STK32B: variants seen among roughly 807,000 people sequenced by gnomAD.
The protein encoded by STK32B is serine/threonine kinase 32B.
STK32B carries 43 observed loss-of-function variants against 52.6 expected under a neutral mutation model. The observed-to-expected ratio is 0.82, with a 90% CI of 0.64 to 1.05. STK32B has a LOEUF of 1.05. STK32B is among the 50% of genes least tolerant of loss of function. The pLI, the probability that STK32B is intolerant of heterozygous loss-of-function variation, is 0.00. For synonymous variants in STK32B, 238 were observed against 204.3 expected (o/e 1.17, Z -1.41); for missense variants, 621 against 534.6 (o/e 1.16, Z -1.59).
intron 11 of STK32B, among the ~76,000 whole-genome samples, chr4:5,484,925 C>G (rs568720895): frequency 3.9e-5 from 6 of 152,348 alleles, no homozygotes; most frequent in South Asian, 2.1e-4. Context: ...CCCCCACTCT[C>G]TTTTGGCTTG....
chr4:5,449,938 T>C (rs1203783774), intron 7 of STK32B, among the ~76,000 whole-genome samples: 1 of 152,178 alleles, frequency 6.6e-6, no homozygotes, highest in Non-Finnish European at 1.5e-5. Flanking sequence ...AATTATTTAA[T>C]TATATATTAC....
intron 4 of STK32B, among the ~76,000 whole-genome samples, chr4:5,397,035 T>G (rs1446216604): frequency 6.6e-6 from 1 of 152,188 alleles, no homozygotes; most frequent in East Asian, 1.9e-4. Flanking sequence ...AATAAAAATT[T>G]AAATGTATAG....
At chr4:5,099,390 T>C (rs999260072) in intron 1 of STK32B, among the ~76,000 whole-genome samples, 4 of 151,924 alleles carry the variant, frequency 2.6e-5, no homozygotes, top group African/African-American at 9.7e-5. Flanking sequence ...CTGACAAACA[T>C]AGATGAATTG....
rs980147295 is a variant in STK32B at position 5,469,104 on chromosome 4, G to T, written c.1106+1034G>T. On this transcript the variant is annotated intron_variant, in intron 11 of 11. Coordinates refer to ENST00000282908, the MANE Select transcript of STK32B (RefSeq NM_018401.3). The surrounding 1 kb of genome is among the most constrained non-coding windows in gnomAD (Gnocchi z 4.7). ...ATTTGTGGCTGTGGCTGACTTGTCA[G>T]AGCTGGGGCTCCAGCAGGGGCAGCC... is the stretch of plus-strand genomic sequence containing the variant. 6.6e-6 allele frequency among the ~76,000 whole-genome samples: 1 copy of T among 151,656 alleles called. No individual in the cohort carries two copies. The highest frequency in any genetic ancestry group is 2.4e-5 in the African/African-American group (1 of 41,262).
chr4:5,316,235 T>C (rs1730698336), intron 3 of STK32B, among the ~76,000 whole-genome samples: 1 of 70,870 alleles, frequency 1.4e-5, no homozygotes, highest in Non-Finnish European at 2.2e-5. Context: ...ATATATACAA[T>C]ATTATATATT....
intron 1 of STK32B, among the ~76,000 whole-genome samples, chr4:5,104,404 G>A (rs986674731): frequency 7.9e-5 from 12 of 152,056 alleles, no homozygotes; most frequent in East Asian, 1.9e-4. Flanking sequence ...TAAATTACCC[G>A]GTCTCAGGTG....
At chr4:5,252,493 C>T (rs1189991283) in intron 3 of STK32B, among the ~76,000 whole-genome samples, 1 of 152,194 alleles carries the variant, frequency 6.6e-6, no homozygotes, top group Non-Finnish European at 1.5e-5. Flanking sequence ...GAGTGCATTA[C>T]TGGGAAGGCA....
rs143699279 is a variant in STK32B, at chr4:5,369,024, A to G, written c.435-29183A>G. Among the ~76,000 whole-genome samples, 999 of 152,116 alleles carry G rather than the reference A, an allele frequency of 6.6e-3. 2 individuals are homozygous for G. The highest frequency in any genetic ancestry group is 0.011 in the Non-Finnish European group (721 of 67,998). On this transcript the variant is annotated intron_variant, in intron 4 of 11. Coordinates refer to ENST00000282908, the MANE Select transcript of STK32B (RefSeq NM_018401.3). Reference sequence around the variant, plus strand: ...CAGAGCTGTCCACATCGCACCCCACAATCCCTGCCTCCCTTGCATTAGCTG... The same window carrying G: ...CAGAGCTGTCCACATCGCACCCCACGATCCCTGCCTCCCTTGCATTAGCTG...
the STK32B span, among the ~76,000 whole-genome samples, chr4:5,042,714 G>T: frequency 2.0e-5 from 3 of 152,182 alleles, no homozygotes; most frequent in Admixed American, 6.5e-5. Context: ...ACCTTGCAGG[G>T]GAATGGGAGG....
chr4:5,477,835 C>A (rs1560447104), intron 11 of STK32B, among the ~76,000 whole-genome samples: 1 of 152,190 alleles, frequency 6.6e-6, no homozygotes, highest in Non-Finnish European at 1.5e-5. Flanking sequence ...CTGCCGTGTG[C>A]TGGGAACAGG....
chr4:5,117,593 A>G (rs149094199), intron 1 of STK32B, among the ~76,000 whole-genome samples: 6 of 152,076 alleles, frequency 3.9e-5, no homozygotes, highest in African/African-American at 1.2e-4. Flanking sequence ...TATTTTTTCA[A>G]TGGGGAGATG....
intron 3 of STK32B, among the ~76,000 whole-genome samples, chr4:5,273,726 G>A (rs1350657956): frequency 7.7e-6 from 1 of 129,518 alleles, no homozygotes; most frequent in Non-Finnish European, 1.6e-5. Context: ...ATCATTCTCA[G>A]TAAACTATCG....
Position 5,444,676 on chromosome 4 carries a change from A to C in STK32B, c.563-1997A>C, listed in dbSNP as rs955142585. On this transcript the variant is annotated intron_variant, in intron 6 of 11. Coordinates refer to ENST00000282908, the MANE Select transcript of STK32B (RefSeq NM_018401.3). Reference sequence around the variant, plus strand: ...CATGATTTGACTGTTAGTAATGCCTAATGTTCATGGAGCACTCACTACGGG... The same window carrying C: ...CATGATTTGACTGTTAGTAATGCCTCATGTTCATGGAGCACTCACTACGGG... Among the ~76,000 whole-genome samples, 5 of 152,256 alleles carry C rather than the reference A, an allele frequency of 3.3e-5. No homozygotes were observed. In the East Asian group the frequency reaches 7.7e-4, roughly 23 times the overall value.
chr4:5,430,179 C>T (rs868712346), intron 6 of STK32B, among the ~76,000 whole-genome samples: 1 of 151,996 alleles, frequency 6.6e-6, no homozygotes, highest in Non-Finnish European at 1.5e-5. Context: ...ATATTTTTGA[C>T]CCATTCTCTC....
At chr4:5,067,759 T>C (rs1742479043) in intron 1 of STK32B, among the ~76,000 whole-genome samples, 1 of 152,158 alleles carries the variant, frequency 6.6e-6, no homozygotes, top group South Asian at 2.1e-4. Context: ...CTCATGGTTC[T>C]GCAGGCTGTA....
intron 11 of STK32B, 39 bp from the exon 12 acceptor site, chr4:5,498,906 C>T (rs747262251): frequency 2.0e-5 from 31 of 1,580,978 alleles, no homozygotes; most frequent in East Asian, 1.6e-4. Flanking sequence ...TCCACAACCC[C>T]ATGCCGCACC....
At chr4:5,215,504 G>A (rs2108790711) in intron 3 of STK32B, among the ~76,000 whole-genome samples, 1 of 152,272 alleles carries the variant, frequency 6.6e-6, no homozygotes, top group Non-Finnish European at 1.5e-5. Context: ...TTCCAATAGA[G>A]GCAGTGTCTC....
intron 3 of STK32B, among the ~76,000 whole-genome samples, chr4:5,174,723 C>G (rs529985496): frequency 3.3e-5 from 5 of 152,218 alleles, no homozygotes; most frequent in East Asian, 1.9e-4. Flanking sequence ...TTCTCTCTGG[C>G]TGCCCTTAAC....
At chr4:5,402,684 G>A (rs1029952031) in intron 5 of STK32B, among the ~76,000 whole-genome samples, 1 of 152,218 alleles carries the variant, frequency 6.6e-6, no homozygotes, top group Non-Finnish European at 1.5e-5. Context: ...ACAGGACAGA[G>A]TGCTGAGTAG....
Sources: allele counts gnomAD v4.1 joint callset (sites outside exome capture counted in the v4.1 genomes callset), GRCh38; gene constraint gnomAD v4.1.1; non-coding constraint Gnocchi (gnomAD v3.1); transcripts MANE v1.5; gene names NCBI Gene and HGNC (gene_info 2026-07-23, HGNC 2026-07-21).